WSCD2: variants seen among roughly 807,000 people sequenced by gnomAD.
WSCD2 encodes WSC domain sialate O sulfotransferase 2, also known as sialate:O-sulfotransferase 2.
A neutral mutation model predicts 55.7 loss-of-function variants in WSCD2; 28 were observed. That is an observed-to-expected ratio of 0.50 (90% CI 0.37 to 0.69). The LOEUF (loss-of-function observed/expected upper bound fraction) is 0.69. WSCD2 is among the 30% of genes least tolerant of loss of function. The pLI is 0.00. For missense variants in WSCD2, 616 were observed against 762.1 expected (o/e 0.81, Z 2.26); for synonymous variants, 301 against 301.9 (o/e 1.00, Z 0.03).
At chr12:108,130,555 A>T (rs1038244665) in intron 1 of WSCD2, among the ~76,000 whole-genome samples, 43 of 151,192 alleles carry the variant, frequency 2.8e-4, no homozygotes, top group African/African-American at 8.3e-4. Context: ...CTAGGGGACC[A>T]ACTCAGCCAA....
rs945427109 is a variant in WSCD2 at position 108,247,595 on chromosome 12, A to T, written c.1346-396A>T. Reference sequence around the variant, plus strand: ...TTTAGAGGCAGGGTCTTGCTCTGTCACCCAGGCTGAAGTGCAGTGGCATCA... The same window carrying T: ...TTTAGAGGCAGGGTCTTGCTCTGTCTCCCAGGCTGAAGTGCAGTGGCATCA... On this transcript the variant is annotated intron_variant, in intron 8 of 8. Transcript: ENST00000547525. Among the ~76,000 whole-genome samples the T allele has an allele frequency of 4.5e-4, 68 of 152,192 alleles. 1 individual carries two copies. Among genetic ancestry groups the T allele is most frequent in the African/African-American group, 1.5e-3 (62 of 41,532 alleles).
chr12:108,171,140 T>C (rs540462650), intron 1 of WSCD2, among the ~76,000 whole-genome samples: 8 of 152,372 alleles, frequency 5.3e-5, no homozygotes, highest in Non-Finnish European at 1.0e-4. Flanking sequence ...CTGGTGGTGC[T>C]TCTTGACTTG....
chr12:108,230,803 T>A (rs1184439823), intron 6 of WSCD2, among the ~76,000 whole-genome samples: 1 of 152,100 alleles, frequency 6.6e-6, no homozygotes, highest in African/African-American at 2.4e-5. Flanking sequence ...GAATTGAGCA[T>A]GGGGCAGTCA....
intron 4 of WSCD2, among the ~76,000 whole-genome samples, chr12:108,212,640 G>GAC (rs34478575): frequency 0.02 from 2,538 of 129,298 alleles, 93 homozygotes; most frequent in East Asian, 0.16. Flanking sequence ...CACACATTCA[G>GAC]ACACACACAC....
intron 8 of WSCD2, among the ~76,000 whole-genome samples, chr12:108,247,026 T>A (rs1890143218): frequency 1.3e-5 from 2 of 152,230 alleles, no homozygotes; most frequent in Admixed American, 1.3e-4. Context: ...TATATGTTTT[T>A]TCTACTTTGT....
intron 1 of WSCD2, among the ~76,000 whole-genome samples, chr12:108,168,369 C>A (rs1879882918): frequency 6.6e-6 from 1 of 152,162 alleles, no homozygotes; most frequent in African/African-American, 2.4e-5. Flanking sequence ...ATCACCATCT[C>A]CATGTCTCCC....
intron 4 of WSCD2, among the ~76,000 whole-genome samples, chr12:108,219,168 C>T (rs1470589142): frequency 6.6e-6 from 1 of 152,198 alleles, no homozygotes. Context: ...TCTCCACGTG[C>T]ATAAACACCT....
At chr12:108,178,710 C>A (rs984394964) in intron 1 of WSCD2, among the ~76,000 whole-genome samples, 13 of 152,084 alleles carry the variant, frequency 8.5e-5, no homozygotes, top group African/African-American at 3.1e-4. Context: ...TCATAGGCTA[C>A]CTGACATATT....
intron 1 of WSCD2, among the ~76,000 whole-genome samples, chr12:108,131,555 TAG>T (rs1344804054): frequency 6.6e-6 from 1 of 152,176 alleles, no homozygotes; most frequent in Non-Finnish European, 1.5e-5. Flanking sequence ...GTGCTGAGTG[TAG>T]AGTTTAGCAA....
At chr12:108,243,849 C>T (rs771376126) in intron 8 of WSCD2, among the ~76,000 whole-genome samples, 3 of 152,108 alleles carry the variant, frequency 2.0e-5, no homozygotes, top group Non-Finnish European at 2.9e-5. Context: ...TGAGTGTGTC[C>T]ACCCCACCAT....
chr12:108,222,326 T>C (rs1460239899), intron 4 of WSCD2, among the ~76,000 whole-genome samples: 3 of 152,252 alleles, frequency 2.0e-5, no homozygotes, highest in Non-Finnish European at 4.4e-5. Context: ...TTGCAAACGA[T>C]GGGTCCTTAG....
intron 1 of WSCD2, among the ~76,000 whole-genome samples, chr12:108,137,981 C>T (rs1876393725): frequency 6.6e-6 from 1 of 152,188 alleles, no homozygotes; most frequent in African/African-American, 2.4e-5. Flanking sequence ...GCCAATGGCT[C>T]CCTCTCAGCC....
chr12:108,157,411 A>G (rs1878632959), intron 1 of WSCD2, among the ~76,000 whole-genome samples: 1 of 152,132 alleles, frequency 6.6e-6, no homozygotes, highest in Admixed American at 6.5e-5. Flanking sequence ...GTATAATGAC[A>G]TGTGTCCACC....
At chr12:108,206,459 C>A in intron 3 of WSCD2, 56 bp downstream of exon 3, 1 of 1,560,228 alleles carries the variant, frequency 6.4e-7, no homozygotes, top group East Asian at 2.2e-5. Context: ...CTCAGATTCC[C>A]ACCTGTGGTA....
At chr12:108,242,422 G>T (rs1213232646) in intron 8 of WSCD2, among the ~76,000 whole-genome samples, 1 of 152,112 alleles carries the variant, frequency 6.6e-6, no homozygotes, top group East Asian at 1.9e-4. Flanking sequence ...ATCCATATGT[G>T]CAAATGGTAG....
intron 8 of WSCD2, among the ~76,000 whole-genome samples, chr12:108,241,668 A>C (rs531834158): frequency 1.3e-5 from 2 of 152,364 alleles, no homozygotes; most frequent in Non-Finnish European, 2.9e-5. Context: ...GGTATTCTTT[A>C]CTTAAGGTTT....
At chr12:108,221,363 T>C (rs1365900105) in intron 4 of WSCD2, among the ~76,000 whole-genome samples, 1 of 152,174 alleles carries the variant, frequency 6.6e-6, no homozygotes, top group Non-Finnish European at 1.5e-5. Context: ...CAGACCAGCC[T>C]GGCCAACAGG....
In WSCD2 at chr12:108,210,200, G is replaced by T; in HGVS notation, c.577G>T (p.Ala193Ser). The T allele has an allele frequency of 2.5e-6, 4 of 1,614,056 alleles. No homozygotes were observed. Among genetic ancestry groups the T allele is most frequent in the Non-Finnish European group, 2.5e-6 (3 of 1,179,966 alleles). ...GATCCAGGCGACGAACGTGAGCGAG[G>T]CAGAGTGCGACATGGAGTGCAAGGG... ...HKIQATNVSE[A>S]ECDMECKGER... The change falls in exon 4 of 9, where the codon GCA becomes TCA. Residue 193 changes from alanine to serine, a missense_variant. This residue lies in a region of WSCD2 where 374 missense variants were observed against 467.4 expected (regional missense o/e 0.80). Coordinates refer to ENST00000547525, the MANE Select transcript of WSCD2 (RefSeq NM_014653.4). The surrounding 1 kb of genome is among the most constrained non-coding windows in gnomAD (Gnocchi z 4.3).
intron 6 of WSCD2, among the ~76,000 whole-genome samples, chr12:108,231,572 A>G (rs1888764708): frequency 6.6e-6 from 1 of 152,222 alleles, no homozygotes; most frequent in African/African-American, 2.4e-5. Context: ...CCTTTTGAGC[A>G]CTTTAGAGTA....
Sources: gnomAD v4.1 joint callset for allele counts (sites outside exome capture counted in the v4.1 genomes callset) on GRCh38, gnomAD v4.1.1 for gene constraint, gnomAD v4.1.1 regional missense constraint, Gnocchi (gnomAD v3.1) non-coding constraint, MANE v1.5 for transcripts, NCBI Gene and HGNC (gene_info 2026-07-23, HGNC 2026-07-21) for gene names.